Variants in MACROD2 observed in about 807,000 individuals in gnomAD.
MACROD2 encodes the protein ADP-ribose glycohydrolase MACROD2.
A neutral mutation model predicts 70.4 loss-of-function variants in MACROD2; 36 were observed. The observed-to-expected ratio is 0.51, with a 90% confidence interval of 0.39 to 0.68. The LOEUF (loss-of-function observed/expected upper bound fraction) is 0.68. Among genes scored for constraint, MACROD2 ranks in the 30% least tolerant of loss-of-function variants. The pLI, the probability that MACROD2 is intolerant of heterozygous loss-of-function variation, is 0.00. For missense variants in MACROD2, 496 were observed against 538.4 expected, an observed-to-expected ratio of 0.92 and a Z score of 0.78; for synonymous variants, 172 against 178.8, an observed-to-expected ratio of 0.96 and a Z score of 0.30.
chr20:15,644,118 G>T (rs1304875856), intron 8 of MACROD2, among the ~76,000 whole-genome samples: 2 of 152,066 alleles, frequency 1.3e-5, no homozygotes, highest in Non-Finnish European at 2.9e-5. Context: ...ACAAGATCTT[G>T]TTCCTAAGAA....
rs141831701 is a variant in MACROD2 at position 15,935,935 on chromosome 20, T to G, written c.839-1541T>G. On this transcript the variant is annotated intron_variant, in intron 11 of 17. Coordinates refer to ENST00000684519, the MANE Select transcript of MACROD2 (RefSeq NM_001351661.2). ...TGGGACGGACTCTCTGAGGAAGTGATAGTTAAAATGAGATCTAAATGATGA... is the reference window on the plus strand; with the variant it reads ...TGGGACGGACTCTCTGAGGAAGTGAGAGTTAAAATGAGATCTAAATGATGA... 1.6e-4 allele frequency among the ~76,000 whole-genome samples: 25 copies of G among 152,248 alleles called. No homozygotes were observed. In the East Asian group the frequency reaches 4.8e-3, roughly 29 times the overall value.
chr20:14,866,557 T>A (rs1014692889), intron 5 of MACROD2, among the ~76,000 whole-genome samples: 4 of 152,152 alleles, frequency 2.6e-5, no homozygotes, highest in Admixed American at 2.6e-4. Context: ...AGATGACATG[T>A]TCAAATTTAT....
intron 4 of MACROD2, among the ~76,000 whole-genome samples, chr20:14,658,618 GT>G (rs1191776862): frequency 6.6e-6 from 1 of 152,030 alleles, no homozygotes; most frequent in East Asian, 1.9e-4. Context: ...TTGTTTGTTT[GT>G]TTGTTTTTTT....
At chr20:14,270,408 G>A (rs2014172) in intron 3 of MACROD2, among the ~76,000 whole-genome samples, 55,539 of 151,926 alleles carry the variant, frequency 0.37, 12,256 homozygotes, top group Non-Finnish European at 0.49. Context: ...TGGCCAATAT[G>A]TTGAAACCCT....
At chr20:14,352,742 T>A (rs965178868) in intron 3 of MACROD2, among the ~76,000 whole-genome samples, 13 of 152,176 alleles carry the variant, frequency 8.5e-5, no homozygotes, top group Non-Finnish European at 1.9e-4. Flanking sequence ...TCTCGTTCCT[T>A]AATTTCCCCT....
rs1327597476 is a variant in MACROD2, at chr20:15,626,162, T to C, written c.645+126315T>C. Among the ~76,000 whole-genome samples, 5 of 152,156 alleles carry C rather than the reference T, an allele frequency of 3.3e-5. No individual in the cohort carries two copies. In the East Asian group the frequency reaches 9.6e-4, roughly 29 times the overall value. On this transcript the variant is annotated intron_variant, in intron 8 of 17. Transcript: ENST00000684519. ...TCTAAGTGAACACTGCATTATTTCT[T>C]TTTGGAAGAAATCTTCACTGGAAAA...
intron 3 of MACROD2, among the ~76,000 whole-genome samples, chr20:14,483,475 T>A (rs2123077644): frequency 6.6e-6 from 1 of 152,164 alleles, no homozygotes; most frequent in Non-Finnish European, 1.5e-5. Context: ...GGGGCGATCT[T>A]GGCTCACCGC....
intron 5 of MACROD2, among the ~76,000 whole-genome samples, chr20:14,982,810 G>A (rs538813458): frequency 9.8e-5 from 15 of 152,318 alleles, no homozygotes; most frequent in African/African-American, 2.6e-4. Flanking sequence ...GCATTGGGCA[G>A]TGTGGGGTGG....
chr20:15,056,087 G>A (rs960420696), intron 5 of MACROD2, among the ~76,000 whole-genome samples: 2 of 151,982 alleles, frequency 1.3e-5, no homozygotes, highest in African/African-American at 2.4e-5. Flanking sequence ...GCACCTGGCC[G>A]AAAGCAACAT....
chr20:15,405,046 G>T (rs2045980875), intron 6 of MACROD2, among the ~76,000 whole-genome samples: 2 of 152,162 alleles, frequency 1.3e-5, no homozygotes, highest in African/African-American at 4.8e-5. Context: ...ACCACATAGT[G>T]TATGATTACA....
chr20:14,526,803 G>A lies in MACROD2; in HGVS notation c.301+33295G>A, dbSNP rs79532037. Among the ~76,000 whole-genome samples, 936 of 152,326 alleles carry A rather than the reference G, an allele frequency of 6.1e-3. 17 individuals carry two copies. The highest frequency in any genetic ancestry group is 0.021 in the African/African-American group (880 of 41,564). On this transcript the variant is annotated intron_variant, in intron 4 of 17. Transcript: ENST00000684519. ...CTCCAAACCCACGACAGTGTCTAGG[G>A]GTGAACGCTGAGGGCCCCAGTGGGC...
chr20:14,300,952 C>T (rs2082469572), intron 3 of MACROD2, among the ~76,000 whole-genome samples: 1 of 152,190 alleles, frequency 6.6e-6, no homozygotes, highest in African/African-American at 2.4e-5. Context: ...TAAGGAAAAG[C>T]TGTGGCCGTC....
At chr20:15,523,452 C>T (rs1233777) in intron 8 of MACROD2, among the ~76,000 whole-genome samples, 43,715 of 151,978 alleles carry the variant, frequency 0.29, 8,850 homozygotes, top group African/African-American at 0.55. Flanking sequence ...GACAAAGGAC[C>T]GATTTGGGGA....
intron 4 of MACROD2, among the ~76,000 whole-genome samples, chr20:14,569,564 T>TC (rs1980049208): frequency 6.6e-6 from 1 of 151,832 alleles, no homozygotes; most frequent in Admixed American, 6.6e-5. Context: ...AACATTTAGG[T>TC]CCCCCCACCT....
intron 6 of MACROD2, among the ~76,000 whole-genome samples, chr20:15,306,580 G>T (rs1181295387): frequency 1.3e-5 from 2 of 152,234 alleles, no homozygotes; most frequent in East Asian, 3.9e-4. Context: ...ATTGATGAGA[G>T]CACAGGGTCT....
At chr20:15,413,286 C>T (rs2046102983) in intron 6 of MACROD2, among the ~76,000 whole-genome samples, 1 of 152,132 alleles carries the variant, frequency 6.6e-6, no homozygotes, top group South Asian at 2.1e-4. Flanking sequence ...GTTGAAATTG[C>T]AGGCACTTCA....
intron 4 of MACROD2, among the ~76,000 whole-genome samples, chr20:14,500,932 A>G (rs1160816728): frequency 2.0e-5 from 3 of 152,012 alleles, no homozygotes. Context: ...GTGCTTTGAG[A>G]TATTACTGTC....
intron 5 of MACROD2, among the ~76,000 whole-genome samples, chr20:15,204,171 A>G (rs2076681425): frequency 1.3e-5 from 2 of 152,140 alleles, no homozygotes; most frequent in Admixed American, 6.5e-5. Context: ...CCAAGCATCT[A>G]TCACTTGTTT....
chr20:15,564,369 A>G (rs191361829), intron 8 of MACROD2, among the ~76,000 whole-genome samples: 9 of 152,336 alleles, frequency 5.9e-5, no homozygotes, highest in Non-Finnish European at 8.8e-5. Flanking sequence ...GAATTTTTGC[A>G]TGATGAAAAA....
Sources: gnomAD v4.1 joint callset for allele counts (sites outside exome capture counted in the v4.1 genomes callset) on GRCh38, gnomAD v4.1.1 for gene constraint, MANE v1.5 for transcripts, NCBI Gene and HGNC (gene_info 2026-07-23, HGNC 2026-07-21) for gene names.